SHE: variants seen among roughly 807,000 people sequenced by gnomAD.
SHE encodes the protein SH2 domain-containing adapter protein E.
SHE carries 11 observed loss-of-function variants against 49.8 expected under a neutral mutation model. The ratio of observed to expected loss-of-function variants is 0.22; its 90% CI spans 0.14 to 0.37. The LOEUF is 0.37. SHE is among the 10% of genes least tolerant of loss of function. The pLI, the probability that SHE is intolerant of heterozygous loss-of-function variation, is 1.00. For missense variants in SHE, 624 were observed against 655.5 expected (o/e 0.95, Z 0.52); for synonymous variants, 310 against 278.1 (o/e 1.11, Z -1.14).
Position 154,481,809 on chromosome 1 carries a change from A to AAC in SHE, c.*2338_*2339dup, listed in dbSNP as rs1341490463. The AAC allele has an allele frequency of 6.1e-5, 60 of 975,974 alleles. No individual in the cohort carries two copies. The highest frequency in any genetic ancestry group is 7.3e-5 in the Non-Finnish European group (60 of 821,516). The allele number at this position is 975,974 out of a possible 1,614,324, so 60.5% of individuals were successfully genotyped here. On this transcript the variant is annotated 3_prime_UTR_variant, in exon 6 of 6. Transcript: ENST00000304760. ...AGTAAATGAACCAATACACACTGAA[A>AAC]ACATTCTATCAGTATCTGAAAAAAA...
Position 154,486,607 on chromosome 1 carries a change from G to A in SHE, c.1101C>T (p.Thr367=). 6.2e-7 allele frequency: 1 copy of A among 1,614,104 alleles called. No individual in the cohort carries two copies. Among genetic ancestry groups the A allele is most frequent in the Non-Finnish European group, 8.5e-7 (1 of 1,180,016 alleles). Residue 367 remains threonine, a synonymous_variant, in exon 4 of 6, where the codon ACC becomes ACT. Coordinates refer to ENST00000304760, the MANE Select transcript of SHE (RefSeq NM_001010846.3). Reference sequence around the variant, plus strand: ...AGAGGGCTGGCTTCAGGATCTTCTGGGTCCAGCTCTTCTGCCGGTGGTGCT... The same window carrying A: ...AGAGGGCTGGCTTCAGGATCTTCTGAGTCCAGCTCTTCTGCCGGTGGTGCT... The part of the protein sequence containing the change: ...VRQHHRQKSW[T]QKILKPALSD...
In SHE at chr1:154,483,544, A is replaced by G. The variant is rs905415233; in HGVS notation, c.*605T>C. 2.0e-6 allele frequency: 2 copies of G among 985,072 alleles called. No individual in the cohort carries two copies. Among genetic ancestry groups the G allele is most frequent in the Non-Finnish European group, 2.4e-6 (2 of 829,946 alleles). The allele number at this position is 985,072 out of a possible 1,614,324, so 61.0% of individuals were successfully genotyped here. On this transcript the variant is annotated 3_prime_UTR_variant, in exon 6 of 6. Transcript: ENST00000304760. ...TTCTAGAGAACTCTGATGCTCCTGA[A>G]CTCCTGACTTAACCTTCCTGAGGGT... is the stretch of plus-strand genomic sequence containing the variant.
chr1:154,491,056 T>G (rs1264835020), intron 2 of SHE, among the ~76,000 whole-genome samples: 2 of 151,622 alleles, frequency 1.3e-5, no homozygotes, highest in Non-Finnish European at 2.9e-5. Flanking sequence ...ATGGCTGGAG[T>G]CTGGACAACC....
In SHE at chr1:154,479,679, G is replaced by T; in HGVS notation, c.*4470C>A. On this transcript the variant is annotated 3_prime_UTR_variant, in exon 6 of 6. Transcript: ENST00000304760. ...TTTTAAAAGTTGAAACTATGTATTA[G>T]TTGATATCTAAAATATTAAAGCCCC... 1.0e-6 allele frequency: 1 copy of T among 979,986 alleles called. No homozygotes were observed. Among genetic ancestry groups the T allele is most frequent in the Non-Finnish European group, 1.2e-6 (1 of 825,016 alleles). 60.7% of individuals were successfully genotyped at this position (979,986 alleles called of 1,614,324 possible).
rs1025221607 is a variant in SHE, at chr1:154,483,284, T to C, written c.*865A>G. On this transcript the variant is annotated 3_prime_UTR_variant, in exon 6 of 6. Transcript: ENST00000304760. ...AAAGGCTGACCAACAAAATAATCCT[T>C]AGGCCACACTCTGAAGTTGCGGATT... is the stretch of plus-strand genomic sequence containing the variant. The C allele has an allele frequency of 2.6e-5, 26 of 985,298 alleles. No homozygotes were observed. Among genetic ancestry groups the C allele is most frequent in the Admixed American group, 6.2e-5 (1 of 16,250 alleles). 61.0% of individuals were successfully genotyped at this position (985,298 alleles called of 1,614,324 possible).
At position 154,479,960 on chromosome 1, in the gene SHE, C is replaced by CCTT. The variant is rs1691975615; in HGVS notation, c.*4186_*4188dup. ...TCAGAAATCCTTCAGAAAGCCCTACCCTTAAATGCACAGCTGCTTTTCCCA... is the reference window on the plus strand; with the variant it reads ...TCAGAAATCCTTCAGAAAGCCCTACCCTTCTTAAATGCACAGCTGCTTTTCCCA... On this transcript the variant is annotated 3_prime_UTR_variant, in exon 6 of 6. Coordinates refer to ENST00000304760, the MANE Select transcript of SHE (RefSeq NM_001010846.3). 8.1e-6 allele frequency: 8 copies of CCTT among 985,374 alleles called. No homozygotes were observed. Among genetic ancestry groups the CCTT allele is most frequent in the Non-Finnish European group, 9.6e-6 (8 of 829,922 alleles). 61.0% of individuals were successfully genotyped at this position (985,374 alleles called of 1,614,324 possible).
intron 2 of SHE, among the ~76,000 whole-genome samples, chr1:154,496,293 T>G (rs551674964): frequency 3.3e-5 from 5 of 152,234 alleles, no homozygotes; most frequent in Non-Finnish European, 7.3e-5. Flanking sequence ...GTTAGTAATT[T>G]GGATTTTTAA....
At chr1:154,498,264 G>C (rs1197868847) in intron 2 of SHE, among the ~76,000 whole-genome samples, 1 of 148,318 alleles carries the variant, frequency 6.7e-6, no homozygotes, top group South Asian at 2.1e-4. Context: ...GGCTAATTTT[G>C]TATTTTTTTT....
intron 2 of SHE, among the ~76,000 whole-genome samples, chr1:154,491,532 C>T (rs976504331): frequency 1.3e-5 from 2 of 152,230 alleles, no homozygotes; most frequent in Admixed American, 1.3e-4. Context: ...GGTGCCACGG[C>T]TGGACCAACG....
chr1:154,494,374 GTTTTTT>G (rs779645667), intron 2 of SHE, among the ~76,000 whole-genome samples: 2 of 118,780 alleles, frequency 1.7e-5, no homozygotes, highest in South Asian at 2.8e-4. Flanking sequence ...AGACATAACA[GTTTTTT>G]TTTTTTTTTT....
intron 1 of SHE, among the ~76,000 whole-genome samples, chr1:154,471,563 C>A (rs939284593): frequency 6.6e-6 from 1 of 151,990 alleles, no homozygotes; most frequent in African/African-American, 2.4e-5. Context: ...GACAGCAAGA[C>A]CTTGTCTCAA....
chr1:154,485,473 G>A (rs1692146006), intron 5 of SHE: 1 of 156,984 alleles, frequency 6.4e-6, no homozygotes, highest in African/African-American at 2.4e-5. Context: ...TCAGACAGAG[G>A]GAGCAACAGG....
In SHE at chr1:154,502,070, C is replaced by T; in HGVS notation, c.-44G>A. The T allele has an allele frequency of 8.1e-7, 1 of 1,238,142 alleles. No individual in the cohort carries two copies. Among genetic ancestry groups the T allele is most frequent in the Non-Finnish European group, 1.0e-6 (1 of 990,556 alleles). The allele number at this position is 1,238,142 out of a possible 1,614,324, so 76.7% of individuals were successfully genotyped here. A position where few individuals can be genotyped will look rare whatever the true frequency, so the allele number is the denominator to read the frequency against. On this transcript the variant is annotated 5_prime_UTR_variant, in exon 1 of 6. Transcript: ENST00000304760. Reference sequence around the variant, plus strand: ...TGGAGGCCGCGGCGAGGCCCCGCGACGGCTGCTCCGTGCGCCCCCGGCCGG... The same window carrying T: ...TGGAGGCCGCGGCGAGGCCCCGCGATGGCTGCTCCGTGCGCCCCCGGCCGG...
At chr1:154,479,383 A>G (rs562636289), downstream of SHE, 1 of 419,164 alleles carries the variant, frequency 2.4e-6, no homozygotes, top group East Asian at 1.6e-4. Flanking sequence ...ATTAATGGTG[A>G]CTGCAAATGA....
chr1:154,473,561 G>C (rs1413321029), intron 1 of SHE, among the ~76,000 whole-genome samples: 1 of 152,112 alleles, frequency 6.6e-6, no homozygotes. Context: ...CCGGCACTTT[G>C]GGAGGCTGAA....
intron 2 of SHE, among the ~76,000 whole-genome samples, chr1:154,493,519 C>T (rs375391326): frequency 3.9e-5 from 6 of 152,152 alleles, no homozygotes; most frequent in Non-Finnish European, 5.9e-5. Flanking sequence ...ATGCAGGGGA[C>T]GGGCAGCAGA....
At chr1:154,497,085 C>T (rs1692553349) in intron 2 of SHE, among the ~76,000 whole-genome samples, 1 of 152,156 alleles carries the variant, frequency 6.6e-6, no homozygotes, top group Non-Finnish European at 1.5e-5. Flanking sequence ...GGTCACAGTC[C>T]AGTGACCTTC....
At chr1:154,487,941 T>TC (rs1491529110) in intron 3 of SHE, among the ~76,000 whole-genome samples, 1 of 139,954 alleles carries the variant, frequency 7.1e-6, no homozygotes, top group Non-Finnish European at 1.5e-5. Flanking sequence ...TTGGTTATAC[T>TC]TTTTTTTTTT....
chr1:154,474,782 G>A (rs1031874010), downstream of SHE, among the ~76,000 whole-genome samples: 2 of 152,142 alleles, frequency 1.3e-5, no homozygotes, highest in African/African-American at 2.4e-5. Context: ...TATTACAGGC[G>A]TGAGCCACCA....
Sources: gnomAD v4.1 joint callset for allele counts (sites outside exome capture counted in the v4.1 genomes callset) on GRCh38, gnomAD v4.1.1 for gene constraint, MANE v1.5 for transcripts, NCBI Gene and HGNC (gene_info 2026-07-23, HGNC 2026-07-21) for gene names.